Variants in ATG7 observed in about 807,000 individuals in gnomAD.
ATG7 encodes the protein autophagy related 7, also known as ubiquitin-like modifier-activating enzyme ATG7.
In ATG7, 70 loss-of-function variants were observed where a neutral mutation model predicts 82.4. That is an observed-to-expected ratio of 0.85 (90% CI 0.70 to 1.04). ATG7 has a LOEUF of 1.04. ATG7 is among the 50% of genes least tolerant of loss of function. The probability of loss-of-function intolerance (pLI) is 0.00; values close to 1 mark genes in which losing one functional copy is unlikely to be tolerated. For missense variants in ATG7, 792 were observed against 864.3 expected (o/e 0.92, Z 1.05); for synonymous variants, 287 against 313.0 (o/e 0.92, Z 0.88).
At chr3:11,324,892 A>G (rs1950648122) in intron 9 of ATG7, among the ~76,000 whole-genome samples, 1 of 152,168 alleles carries the variant, frequency 6.6e-6, no homozygotes, top group African/African-American at 2.4e-5. Flanking sequence ...GAAACTGAAG[A>G]CAGCTAACTA....
At chr3:11,496,697 C>G (rs2090859256) in intron 20 of ATG7, among the ~76,000 whole-genome samples, 1 of 151,976 alleles carries the variant, frequency 6.6e-6, no homozygotes, top group Non-Finnish European at 1.5e-5. Context: ...CTTGTTGTAC[C>G]CTGTTTGAGT....
intron 20 of ATG7, among the ~76,000 whole-genome samples, chr3:11,534,081 C>T (rs1259334238): frequency 2.0e-5 from 3 of 152,212 alleles, no homozygotes; most frequent in Non-Finnish European, 4.4e-5. Flanking sequence ...TCCTCCTCCC[C>T]CCCCAGGGGA....
At chr3:11,480,564 T>C (rs2088837556) in intron 20 of ATG7, among the ~76,000 whole-genome samples, 1 of 151,932 alleles carries the variant, frequency 6.6e-6, no homozygotes, top group African/African-American at 2.4e-5. Flanking sequence ...TATGAGACCC[T>C]GTTTCAAGAA....
Position 11,406,192 on chromosome 3 carries a change from A to T in ATG7, c.1957-20612A>T, listed in dbSNP as rs552979484. ...TTTGGTAGAAATGGGGTTTCATCAT[A>T]TTGCCAAGGCTGGTCTCTAACTCCT... On this transcript the variant is annotated intron_variant, in intron 19 of 20. Transcript: ENST00000693202. 2.0e-5 allele frequency among the ~76,000 whole-genome samples: 3 copies of T among 152,050 alleles called. No homozygotes were observed. The South Asian group carries it at 6.2e-4, about 32-fold the overall frequency.
At chr3:11,287,514 CGGAA>C (rs1338445400) in intron 3 of ATG7, among the ~76,000 whole-genome samples, 4 of 152,124 alleles carry the variant, frequency 2.6e-5, no homozygotes, top group Admixed American at 2.6e-4. Context: ...CTAGAAAAGT[CGGAA>C]GGCAGCAGCG....
intron 14 of ATG7, among the ~76,000 whole-genome samples, chr3:11,357,838 A>G (rs966710315): frequency 6.6e-5 from 10 of 151,726 alleles, no homozygotes; most frequent in Non-Finnish European, 8.8e-5. Context: ...AGTGAGACCT[A>G]TCTCTACTAA....
At chr3:11,553,357 ACAGAGCTGG>A (rs557612889) in intron 20 of ATG7, among the ~76,000 whole-genome samples, 10 of 152,276 alleles carry the variant, frequency 6.6e-5, no homozygotes, top group South Asian at 6.2e-4. Flanking sequence ...AGCGTGTGGC[ACAGAGCTGG>A]CTACATGAAT....
At chr3:11,442,056 A>T (rs1165968988) in intron 20 of ATG7, among the ~76,000 whole-genome samples, 1 of 152,134 alleles carries the variant, frequency 6.6e-6, no homozygotes, top group Non-Finnish European at 1.5e-5. Flanking sequence ...ACCTGCTTCG[A>T]CTTCACAAAG....
chr3:11,530,026 A>C (rs1376451354), intron 20 of ATG7, among the ~76,000 whole-genome samples: 2 of 151,992 alleles, frequency 1.3e-5, no homozygotes, highest in Admixed American at 1.3e-4. Context: ...ACAGAGGAGG[A>C]CCTTCTACTT....
At position 11,299,421 on chromosome 3, in the gene ATG7, GTATT is replaced by G; in HGVS notation, c.215+11_215+14del. ...GGAGTTCAGTGCTTTTGACATGTGA[GTATT>G]TATTTGTTCAAAATCTGAAGTAAAG... On this transcript the variant is annotated splice_donor_region_variant and intron_variant, in intron 5 of 20. Coordinates refer to ENST00000693202, the MANE Select transcript of ATG7 (RefSeq NM_001349232.2). 1 of 1,606,456 alleles carries G rather than the reference GTATT, an allele frequency of 6.2e-7. No individual in the cohort carries two copies.
At chr3:11,308,531 C>T (rs1478025120) in intron 6 of ATG7, 2 of 159,742 alleles carry the variant, frequency 1.3e-5, no homozygotes, top group Non-Finnish European at 2.7e-5. Flanking sequence ...ATTCTACCTA[C>T]TTCTGTGACA....
intron 20 of ATG7, among the ~76,000 whole-genome samples, chr3:11,507,670 T>A (rs1289016964): frequency 6.6e-6 from 1 of 152,204 alleles, no homozygotes; most frequent in Admixed American, 6.5e-5. Context: ...TCCTTCCAAA[T>A]TTAAAGACCA....
chr3:11,321,952 G>A (rs1162628595), intron 9 of ATG7, among the ~76,000 whole-genome samples: 1 of 152,188 alleles, frequency 6.6e-6, no homozygotes, highest in East Asian at 1.9e-4. Context: ...CTTTACCAAA[G>A]GAAGGCATAA....
At chr3:11,396,118 G>GAAA (rs1553641953) in intron 19 of ATG7, among the ~76,000 whole-genome samples, 16 of 144,476 alleles carry the variant, frequency 1.1e-4, no homozygotes, top group African/African-American at 3.3e-4. Flanking sequence ...AGAAGTATAG[G>GAAA]AAAAAAAAAA....
chr3:11,415,285 G>C lies in ATG7; in HGVS notation c.1957-11519G>C, dbSNP rs575965687. On this transcript the variant is annotated intron_variant, in intron 19 of 20. Transcript: ENST00000693202. The stretch of plus-strand genomic sequence containing the variant: ...AGTTTGTAGGGCTGGAAGTTGCTCT[G>C]GGTGAGTCAGTAGTGAGTGACTGTG... 3.3e-5 allele frequency among the ~76,000 whole-genome samples: 5 copies of C among 152,232 alleles called. 1 individual carries two copies. The highest frequency in any genetic ancestry group is 1.2e-4 in the African/African-American group (5 of 41,538).
intron 20 of ATG7, among the ~76,000 whole-genome samples, chr3:11,453,331 A>G (rs563029068): frequency 1.3e-5 from 2 of 152,330 alleles, no homozygotes; most frequent in East Asian, 3.9e-4. Flanking sequence ...AGTAATTCTC[A>G]GGGTAATCCA....
intron 13 of ATG7, among the ~76,000 whole-genome samples, chr3:11,344,893 A>C (rs1200903167): frequency 1.3e-5 from 2 of 152,052 alleles, no homozygotes; most frequent in Non-Finnish European, 2.9e-5. Context: ...TTAACCAATA[A>C]ATTTTACATC....
chr3:11,564,711 T>TCCCACACCACCGC, the ATG7 span: 1 of 1,380,784 alleles, frequency 7.2e-7, no homozygotes, highest in Non-Finnish European at 9.8e-7. Context: ...ACCACCGCCC[T>TCCCACACCACCGC]CGGAGTCCTC....
chr3:11,306,170 G>A (rs531548390), intron 5 of ATG7, among the ~76,000 whole-genome samples: 4 of 152,200 alleles, frequency 2.6e-5, no homozygotes, highest in Non-Finnish European at 5.9e-5. Flanking sequence ...TGGCACGACA[G>A]ATTGACAGGT....
Sources: allele counts gnomAD v4.1 joint callset (sites outside exome capture counted in the v4.1 genomes callset), GRCh38; gene constraint gnomAD v4.1.1; transcripts MANE v1.5; gene names NCBI Gene and HGNC (gene_info 2026-07-23, HGNC 2026-07-21).